The following GRIN2A variants were observed in gnomAD, a reference collection of about 807,000 sequenced individuals.
GRIN2A encodes the protein glutamate receptor ionotropic, NMDA 2A.
In GRIN2A, 22 loss-of-function variants were observed where a neutral mutation model predicts 113.4. The ratio of observed to expected loss-of-function variants is 0.19; its 90% CI spans 0.14 to 0.28. The LOEUF (loss-of-function observed/expected upper bound fraction) is 0.28. Among genes scored for constraint, GRIN2A ranks in the 10% least tolerant of loss-of-function variants. The probability of loss-of-function intolerance (pLI) is 1.00; values close to 1 mark genes in which losing one functional copy is unlikely to be tolerated. For synonymous variants in GRIN2A, 827 were observed against 738.4 expected (o/e 1.12, Z -1.94); for missense variants, 1,502 against 1,887.0 (o/e 0.80, Z 3.78).
chr16:10,110,915 A>G (rs534072305), intron 2 of GRIN2A, among the ~76,000 whole-genome samples: 19 of 152,238 alleles, frequency 1.2e-4, no homozygotes, highest in Admixed American at 2.0e-4. Context: ...AGTAAGAAGT[A>G]CATCTGTGGT....
At chr16:10,121,340 C>T (rs540980483) in intron 2 of GRIN2A, 1 of 152,302 alleles carries the variant, frequency 6.6e-6, no homozygotes, top group South Asian at 2.1e-4. Flanking sequence ...TGTTTGGGGA[C>T]ACCTTTTTAG....
At chr16:9,923,640 T>C (rs1236452717) in intron 3 of GRIN2A, among the ~76,000 whole-genome samples, 1 of 152,212 alleles carries the variant, frequency 6.6e-6, no homozygotes, top group African/African-American at 2.4e-5. Context: ...CATGGTTATC[T>C]TCAAGTGATG....
chr16:10,085,387 A>G (rs1485488386), intron 2 of GRIN2A, among the ~76,000 whole-genome samples: 1 of 152,256 alleles, frequency 6.6e-6, no homozygotes, highest in Non-Finnish European at 1.5e-5. Flanking sequence ...AATGCACAGT[A>G]AATTAATATG....
chr16:9,806,456 A>G (rs1381043095), intron 10 of GRIN2A, among the ~76,000 whole-genome samples: 1 of 152,150 alleles, frequency 6.6e-6, no homozygotes, highest in Non-Finnish European at 1.5e-5. Flanking sequence ...TTCACTGTGA[A>G]TTGGGCAAAA....
intron 2 of GRIN2A, among the ~76,000 whole-genome samples, chr16:10,034,264 C>T (rs552132188): frequency 1.3e-5 from 2 of 152,114 alleles, no homozygotes; most frequent in East Asian, 3.9e-4. Flanking sequence ...GTGGCTCATG[C>T]CTGTAATCCT....
At chr16:10,096,856 TC>T (rs2048303959) in intron 2 of GRIN2A, among the ~76,000 whole-genome samples, 1 of 152,116 alleles carries the variant, frequency 6.6e-6, no homozygotes, top group Admixed American at 6.6e-5. Flanking sequence ...TCCATCACTC[TC>T]AAGCCACATT....
chr16:9,811,282 T>A (rs917784892), intron 10 of GRIN2A, among the ~76,000 whole-genome samples: 1 of 152,144 alleles, frequency 6.6e-6, no homozygotes, highest in Non-Finnish European at 1.5e-5. Context: ...AGAAAAGATG[T>A]TGGGTCTTCA....
At chr16:9,834,819 A>G (rs1007106597) in intron 7 of GRIN2A, among the ~76,000 whole-genome samples, 1 of 152,238 alleles carries the variant, frequency 6.6e-6, no homozygotes, top group South Asian at 2.1e-4. Flanking sequence ...TAATCAGAAG[A>G]AAAAAGAGTG....
chr16:9,836,766 T>C (rs2141332101), intron 7 of GRIN2A, among the ~76,000 whole-genome samples: 1 of 152,322 alleles, frequency 6.6e-6, no homozygotes, highest in African/African-American at 2.4e-5. Flanking sequence ...ATCTATAGTG[T>C]CTAAGGAGTG....
intron 2 of GRIN2A, among the ~76,000 whole-genome samples, chr16:10,123,610 G>A (rs778621649): frequency 5.3e-5 from 8 of 151,958 alleles, no homozygotes; most frequent in East Asian, 3.8e-4. Flanking sequence ...GTGAATCGCC[G>A]AGGGATCTTG....
At chr16:9,882,072 A>AC (rs1377482581) in intron 4 of GRIN2A, among the ~76,000 whole-genome samples, 3 of 150,396 alleles carry the variant, frequency 2.0e-5, no homozygotes, top group African/African-American at 7.5e-5. Flanking sequence ...CACACACACA[A>AC]ACACACACAG....
intron 3 of GRIN2A, among the ~76,000 whole-genome samples, chr16:9,898,047 C>CCATT (rs1436885373): frequency 7.2e-6 from 1 of 138,902 alleles, no homozygotes; most frequent in African/African-American, 2.6e-5. Flanking sequence ...TACTGAGCCT[C>CCATT]CATTTCCTTT....
intron 2 of GRIN2A, among the ~76,000 whole-genome samples, chr16:10,106,688 C>G (rs548693515): frequency 6.6e-6 from 1 of 152,208 alleles, no homozygotes; most frequent in African/African-American, 2.4e-5. Context: ...TTTTTCCTAA[C>G]AAAGTAAAAT....
At chr16:9,826,896 G>A (rs931952934) in intron 9 of GRIN2A, among the ~76,000 whole-genome samples, 3 of 152,088 alleles carry the variant, frequency 2.0e-5, no homozygotes, top group Non-Finnish European at 2.9e-5. Flanking sequence ...ATTTCCCCCC[G>A]CCCTTGCCTT....
At chr16:10,079,860 G>T (rs190956629) in intron 2 of GRIN2A, among the ~76,000 whole-genome samples, 1 of 152,208 alleles carries the variant, frequency 6.6e-6, no homozygotes, top group Non-Finnish European at 1.5e-5. Flanking sequence ...CTATGATAAC[G>T]CAATGGTGTA....
chr16:10,088,135 C>A (rs1596492240), intron 2 of GRIN2A, among the ~76,000 whole-genome samples: 1 of 152,108 alleles, frequency 6.6e-6, no homozygotes, highest in South Asian at 2.1e-4. Flanking sequence ...GGACCCTCTC[C>A]CTTGAGAAAC....
chr16:10,075,072 A>G (rs1471211727), intron 2 of GRIN2A, among the ~76,000 whole-genome samples: 2 of 152,162 alleles, frequency 1.3e-5, no homozygotes, highest in Non-Finnish European at 2.9e-5. Context: ...TTCTGACGCC[A>G]GGCCACATGG....
At chr16:10,068,751 G>C (rs934775766) in intron 2 of GRIN2A, among the ~76,000 whole-genome samples, 1 of 152,214 alleles carries the variant, frequency 6.6e-6, no homozygotes, top group African/African-American at 2.4e-5. Flanking sequence ...AGTGCCATGA[G>C]AGTAAAGGAC....
chr16:9,907,792 C>T (rs929556451), intron 3 of GRIN2A, among the ~76,000 whole-genome samples: 2 of 152,166 alleles, frequency 1.3e-5, no homozygotes, highest in Non-Finnish European at 2.9e-5. Flanking sequence ...GCCTCCACTC[C>T]CTCCTCAAAA....
Sources: gnomAD v4.1 joint callset for allele counts (sites outside exome capture counted in the v4.1 genomes callset) on GRCh38, gnomAD v4.1.1 for gene constraint, MANE v1.5 for transcripts, NCBI Gene and HGNC (gene_info 2026-07-23, HGNC 2026-07-21) for gene names.